The following SYNGR1 variants were observed in gnomAD, a reference collection of about 807,000 sequenced individuals.
SYNGR1 encodes the protein synaptogyrin-1.
In SYNGR1, 14 loss-of-function variants were observed where a neutral mutation model predicts 26.1. The observed-to-expected ratio is 0.54, with a 90% CI of 0.35 to 0.84. The LOEUF (loss-of-function observed/expected upper bound fraction) is 0.84. Among genes scored for constraint, SYNGR1 ranks in the 40% least tolerant of loss-of-function variants. The pLI, the probability that SYNGR1 is intolerant of heterozygous loss-of-function variation, is 0.01. For synonymous variants in SYNGR1, 141 were observed against 150.1 expected (o/e 0.94, Z 0.44); for missense variants, 319 against 332.9 (o/e 0.96, Z 0.33).
chr22:39,354,499 A>AC (rs961540805), intron 1 of SYNGR1, among the ~76,000 whole-genome samples: 5 of 151,508 alleles, frequency 3.3e-5, no homozygotes, highest in African/African-American at 1.2e-4. Flanking sequence ...GGTTTTATTC[A>AC]CCCCCTCCAC....
rs1409784085 is a variant in SYNGR1, at chr22:39,370,419, C to T, written c.100-3897C>T. On this transcript the variant is annotated intron_variant, in intron 1 of 3. Coordinates refer to ENST00000328933, the MANE Select transcript of SYNGR1 (RefSeq NM_004711.5). ...TACTGGGATTACAGGTGTGAGCCAC[C>T]GCGCCTGGCCTATACCCAGCTAATT... Among the ~76,000 whole-genome samples, 7 of 152,102 alleles carry T rather than the reference C, an allele frequency of 4.6e-5. No individual in the cohort carries two copies. In the South Asian group the frequency reaches 1.5e-3, roughly 32 times the overall value.
chr22:39,354,973 G>C (rs1303354291), intron 1 of SYNGR1, among the ~76,000 whole-genome samples: 1 of 152,186 alleles, frequency 6.6e-6, no homozygotes, highest in Non-Finnish European at 1.5e-5. Context: ...AGCGGTTGTT[G>C]GGGAAGAGGG....
intron 2 of SYNGR1, 162 bp from the exon 3 acceptor site, chr22:39,375,890 C>A (rs1569182470): frequency 1.1e-6 from 1 of 937,696 alleles, no homozygotes; most frequent in Non-Finnish European, 1.7e-6. Context: ...TGGCTCCCCT[C>A]TCTCTTCCCC....
At position 39,382,678 on chromosome 22, in the gene SYNGR1, TG is replaced by T. The variant is rs1221017347; in HGVS notation, c.*765del. On this transcript the variant is annotated 3_prime_UTR_variant, in exon 4 of 4. Transcript: ENST00000328933. Reference sequence around the variant, plus strand: ...TCAGCCCCTTGAGACACCCTGATTCTGCTGCATGCCAAGGGCCTGTTCTGCC... The same window carrying T: ...TCAGCCCCTTGAGACACCCTGATTCTCTGCATGCCAAGGGCCTGTTCTGCC... 3.3e-5 allele frequency: 5 copies of T among 152,936 alleles called. No individual in the cohort carries two copies. Among genetic ancestry groups the T allele is most frequent in the African/African-American group, 1.2e-4 (5 of 41,446 alleles). 9.5% of individuals were successfully genotyped at this position (152,936 alleles called of 1,614,324 possible). A position where few individuals can be genotyped will look rare whatever the true frequency, so the allele number is the denominator to read the frequency against.
At chr22:39,351,482 G>C (rs1362495056) in intron 1 of SYNGR1, among the ~76,000 whole-genome samples, 2 of 152,258 alleles carry the variant, frequency 1.3e-5, no homozygotes, top group Non-Finnish European at 2.9e-5. Flanking sequence ...TGTGTTTGTG[G>C]CTCTGAATTC....
At chr22:39,375,326 G>A (rs1414103719) in intron 2 of SYNGR1, 2 of 156,912 alleles carry the variant, frequency 1.3e-5, no homozygotes, top group African/African-American at 4.8e-5. Flanking sequence ...GTGCCTCTGG[G>A]AGGTGGGCTG....
intron 1 of SYNGR1, among the ~76,000 whole-genome samples, chr22:39,370,244 C>G (rs867359194): frequency 2.6e-5 from 4 of 151,886 alleles, no homozygotes; most frequent in African/African-American, 7.3e-5. Flanking sequence ...AATTCTCCTG[C>G]CTCAGCCTCC....
chr22:39,377,539 C>T (rs1569183133), intron 3 of SYNGR1: 1 of 1,592,350 alleles, frequency 6.3e-7, no homozygotes, highest in African/African-American at 1.3e-5. Flanking sequence ...AAGCCAGCCT[C>T]CCTCCTGGCA....
At chr22:39,367,361 C>G (rs1924809539) in intron 1 of SYNGR1, among the ~76,000 whole-genome samples, 1 of 152,214 alleles carries the variant, frequency 6.6e-6, no homozygotes, top group Admixed American at 6.5e-5. Context: ...TGTAGCTCAG[C>G]CTGTAGCAGG....
At chr22:39,374,855 G>A (rs904268955) in intron 2 of SYNGR1, 20 of 466,340 alleles carry the variant, frequency 4.3e-5, no homozygotes, top group Admixed American at 2.7e-4. Context: ...GGGTTGGCCC[G>A]TGTTTCAGTG....
At chr22:39,359,972 G>A (rs546104112) in intron 1 of SYNGR1, among the ~76,000 whole-genome samples, 2 of 152,044 alleles carry the variant, frequency 1.3e-5, no homozygotes, top group Non-Finnish European at 2.9e-5. Flanking sequence ...CTTCCCCTGT[G>A]CACTGGCCCT....
At chr22:39,360,311 T>C (rs57655708) in intron 1 of SYNGR1, among the ~76,000 whole-genome samples, 4,079 of 152,226 alleles carry the variant, frequency 0.027, 193 homozygotes, top group African/African-American at 0.092. Flanking sequence ...TGATTCCCCA[T>C]CTCAGGAAGA....
rs145523574 is a variant in SYNGR1 at position 39,363,339 on chromosome 22, G to C, written c.100-10977G>C. 8.9e-3 allele frequency among the ~76,000 whole-genome samples: 1,348 copies of C among 152,070 alleles called. 26 individuals are homozygous for C. Among genetic ancestry groups the C allele is most frequent in the African/African-American group, 0.03 (1,260 of 41,444 alleles). ...TAAGGGGATTGTCTGGCTGCTATGA[G>C]GGGACAGAGTGTGGGGGTGCAAGTG... On this transcript the variant is annotated intron_variant, in intron 1 of 3. Transcript: ENST00000328933.
At position 39,374,547 on chromosome 22, in the gene SYNGR1, G is replaced by A. The variant is rs746495829; in HGVS notation, c.331G>A (p.Val111Ile). ...GAAAGCCGTCCTGTCCGACATCGGTGTCTCGGGTGAGCCCCACCCAGCAGG... is the reference window on the plus strand; with the variant it reads ...GAAAGCCGTCCTGTCCGACATCGGTATCTCGGGTGAGCCCCACCCAGCAGG... The part of the protein sequence containing the change: ...RKKAVLSDIG[V>I]SAFWAFLWFV... Residue 111 changes from valine to isoleucine, a missense_variant, in exon 2 of 4, where the codon GTC becomes ATC. Val to Ile is a conservative substitution (Grantham distance 29). Coordinates refer to ENST00000328933, the MANE Select transcript of SYNGR1 (RefSeq NM_004711.5). The A allele has an allele frequency of 6.8e-6, 11 of 1,613,108 alleles. No homozygotes were observed. The South Asian group carries it at 1.2e-4, about 18-fold the overall frequency.
intron 1 of SYNGR1, among the ~76,000 whole-genome samples, chr22:39,362,343 G>A (rs192633349): frequency 6.6e-6 from 1 of 152,084 alleles, no homozygotes; most frequent in Non-Finnish European, 1.5e-5. Context: ...CCGAGCACTC[G>A]GGGCGACAGC....
intron 2 of SYNGR1, 143 bp downstream of exon 2, chr22:39,374,696 T>C: frequency 2.3e-6 from 2 of 884,868 alleles, no homozygotes; most frequent in Non-Finnish European, 3.6e-6. Flanking sequence ...CAGGGTCACA[T>C]GGCTGGCAGC....
In SYNGR1 at chr22:39,383,487, T is replaced by C. The variant is rs932852439; in HGVS notation, c.*1573T>C. ...ACAAGGTGGGCTCTTCACTGAGCCA[T>C]AAGGGACAGGGAGGTATGGGAGAGC... On this transcript the variant is annotated 3_prime_UTR_variant, in exon 4 of 4. Coordinates refer to ENST00000328933, the MANE Select transcript of SYNGR1 (RefSeq NM_004711.5). 1 of 152,466 alleles carries C rather than the reference T, an allele frequency of 6.6e-6. No individual in the cohort carries two copies. Among genetic ancestry groups the C allele is most frequent in the Admixed American group, 6.5e-5 (1 of 15,288 alleles). 9.4% of individuals were successfully genotyped at this position (152,466 alleles called of 1,614,324 possible).
At chr22:39,359,994 G>A (rs1924392409) in intron 1 of SYNGR1, among the ~76,000 whole-genome samples, 3 of 152,072 alleles carry the variant, frequency 2.0e-5, no homozygotes, top group South Asian at 4.1e-4. Context: ...ACCACCCCTT[G>A]GTCCCTCCTG....
intron 1 of SYNGR1, among the ~76,000 whole-genome samples, chr22:39,369,276 C>T (rs1287217583): frequency 6.6e-6 from 1 of 152,072 alleles, no homozygotes; most frequent in Admixed American, 6.5e-5. Context: ...CAGTCCACGG[C>T]CCAAGCAGCT....
Sources: gnomAD v4.1 joint callset for allele counts (sites outside exome capture counted in the v4.1 genomes callset) on GRCh38, gnomAD v4.1.1 for gene constraint, MANE v1.5 for transcripts, NCBI Gene and HGNC (gene_info 2026-07-23, HGNC 2026-07-21) for gene names.